Variants in ADGRG7 observed in about 807,000 individuals in gnomAD.
ADGRG7 encodes the protein adhesion G protein-coupled receptor G7, also known as G-protein coupled receptor 128.
Under a neutral mutation model 88.6 loss-of-function variants are expected in ADGRG7, and 82 were observed. The observed-to-expected ratio is 0.93, with a 90% CI of 0.77 to 1.11. The LOEUF (loss-of-function observed/expected upper bound fraction) is 1.11, where lower values mean the gene tolerates loss of function less well. Ranked by LOEUF, ADGRG7 falls within the 50% of genes most tolerant of loss-of-function variation. The pLI is 0.00. For synonymous variants in ADGRG7, 381 were observed against 345.2 expected, an observed-to-expected ratio of 1.10 and a Z score of -1.15; for missense variants, 945 against 953.4, an observed-to-expected ratio of 0.99 and a Z score of 0.12.
chr3:100,651,390 T>C (rs1290106400), intron 11 of ADGRG7, among the ~76,000 whole-genome samples: 1 of 152,246 alleles, frequency 6.6e-6, no homozygotes, highest in Non-Finnish European at 1.5e-5. Flanking sequence ...CTGACAATTA[T>C]TTGGTCCCAT....
At chr3:100,634,279 T>C (rs1174042070) in intron 4 of ADGRG7, among the ~76,000 whole-genome samples, 2 of 152,214 alleles carry the variant, frequency 1.3e-5, no homozygotes, top group African/African-American at 2.4e-5. Flanking sequence ...GCATATGTTA[T>C]CACATTTAAT....
chr3:100,647,030 G>A (rs1455957674), intron 10 of ADGRG7, among the ~76,000 whole-genome samples: 7 of 152,160 alleles, frequency 4.6e-5, no homozygotes, highest in East Asian at 1.9e-4. Context: ...AGTGGTGCAC[G>A]CCTGTAATCC....
At chr3:100,659,897 C>A in intron 14 of ADGRG7, 54 bp downstream of exon 14, 1 of 1,537,868 alleles carries the variant, frequency 6.5e-7, no homozygotes, top group Non-Finnish European at 8.9e-7. Flanking sequence ...CAGCACTTAA[C>A]GCAGCACCAT....
intron 1 of ADGRG7, among the ~76,000 whole-genome samples, chr3:100,622,075 A>G (rs993131040): frequency 2.6e-5 from 4 of 152,182 alleles, no homozygotes; most frequent in Non-Finnish European, 5.9e-5. Flanking sequence ...CAGGAGGCTA[A>G]GCTCAGGAGA....
chr3:100,690,553 A>T (rs2094991483), intron 15 of ADGRG7, among the ~76,000 whole-genome samples: 1 of 152,048 alleles, frequency 6.6e-6, no homozygotes, highest in Non-Finnish European at 1.5e-5. Context: ...TTTGGTGTGG[A>T]TGTCCTTTCT....
intron 6 of ADGRG7, among the ~76,000 whole-genome samples, chr3:100,638,538 G>T (rs80099883): frequency 6.6e-6 from 1 of 152,132 alleles, no homozygotes; most frequent in Non-Finnish European, 1.5e-5. Flanking sequence ...GGCAACATTT[G>T]ATTCGTAAAA....
chr3:100,637,317 A>C lies in ADGRG7; in HGVS notation c.613A>C (p.Ile205Leu). The C allele has an allele frequency of 1.9e-6, 3 of 1,613,256 alleles. No individual in the cohort carries two copies. Among genetic ancestry groups the C allele is most frequent in the Non-Finnish European group, 2.5e-6 (3 of 1,179,310 alleles). ...NASPEAKKVA[I>L]VTVSQLLDAS... ...TCTTTGGCAGGCAAAGAAAGTTGCC[A>C]TAGTAACAGTGAGTCAACTCCTAGA... Residue 205 changes from isoleucine to leucine, a missense_variant, in exon 6 of 16, where the codon ATA becomes CTA. Transcript: ENST00000273352.
intron 15 of ADGRG7, among the ~76,000 whole-genome samples, chr3:100,681,283 A>G (rs2094972982): frequency 6.6e-6 from 1 of 150,648 alleles, no homozygotes; most frequent in Admixed American, 6.6e-5. Context: ...AAGATGTGTT[A>G]TTGAAAGACA....
intron 10 of ADGRG7, among the ~76,000 whole-genome samples, chr3:100,648,982 T>A (rs1707802820): frequency 6.6e-6 from 1 of 152,190 alleles, no homozygotes; most frequent in Non-Finnish European, 1.5e-5. Context: ...AGGCTTCCTT[T>A]AAAAAATTAA....
At chr3:100,637,137 A>G (rs1388273382) in intron 5 of ADGRG7, among the ~76,000 whole-genome samples, 165 bp from the exon 6 acceptor site, 1 of 152,170 alleles carries the variant, frequency 6.6e-6, no homozygotes, top group Non-Finnish European at 1.5e-5. Flanking sequence ...TCTCTCTGTC[A>G]TCTTATGTGG....
chr3:100,614,629 G>T (rs1278181411), intron 1 of ADGRG7, among the ~76,000 whole-genome samples: 3 of 152,102 alleles, frequency 2.0e-5, no homozygotes, highest in South Asian at 2.1e-4. Context: ...GAGATGCCTG[G>T]ATTTTAAACC....
At chr3:100,638,531 A>G (rs1707584903) in intron 6 of ADGRG7, among the ~76,000 whole-genome samples, 1 of 152,198 alleles carries the variant, frequency 6.6e-6, no homozygotes, top group African/African-American at 2.4e-5. Context: ...TGGAAAAGGC[A>G]ACATTTGATT....
chr3:100,687,243 T>C lies in ADGRG7; in HGVS notation c.2137-7501T>C, dbSNP rs773095804. Among the ~76,000 whole-genome samples the C allele has an allele frequency of 3.3e-4, 51 of 152,350 alleles. No individual in the cohort carries two copies. In the East Asian group the frequency reaches 8.9e-3, roughly 26 times the overall value. On this transcript the variant is annotated intron_variant, in intron 15 of 15. Coordinates refer to ENST00000273352, the MANE Select transcript of ADGRG7 (RefSeq NM_032787.3). ...ATTGATTTTGTATCCTGAGACTTTGTTGAAGTTGCTTACCAGCTTAAGGAG... is the reference window on the plus strand; with the variant it reads ...ATTGATTTTGTATCCTGAGACTTTGCTGAAGTTGCTTACCAGCTTAAGGAG...
At chr3:100,618,286 T>C (rs1707254636) in intron 1 of ADGRG7, among the ~76,000 whole-genome samples, 1 of 152,212 alleles carries the variant, frequency 6.6e-6, no homozygotes, top group South Asian at 2.1e-4. Context: ...CATGAAGTCC[T>C]TGCCCATGCC....
In ADGRG7 at chr3:100,660,821, A is replaced by G. The variant is rs1415290935; in HGVS notation, c.1979+978A>G. Among the ~76,000 whole-genome samples, 13 of 152,014 alleles carry G rather than the reference A, an allele frequency of 8.6e-5. No homozygotes were observed. In the East Asian group the frequency reaches 2.5e-3, roughly 30 times the overall value. ...TACAAAATTAGCCGGGTGTGGTGGC[A>G]CATGCCTGTAATCCCAACTACTTGG... On this transcript the variant is annotated intron_variant, in intron 14 of 15. Transcript: ENST00000273352.
chr3:100,668,247 A>G (rs904042423), intron 14 of ADGRG7, among the ~76,000 whole-genome samples: 3 of 152,228 alleles, frequency 2.0e-5, no homozygotes. Context: ...TGAATCCTTC[A>G]TGACTCACTT....
At chr3:100,626,276 AT>A (rs1326955119) in intron 1 of ADGRG7, among the ~76,000 whole-genome samples, 1 of 151,906 alleles carries the variant, frequency 6.6e-6, no homozygotes, top group Non-Finnish European at 1.5e-5. Flanking sequence ...TTTCTTCTAG[AT>A]TTTCTAGTTT....
chr3:100,641,882 TA>T (rs988833197), intron 6 of ADGRG7, among the ~76,000 whole-genome samples: 6 of 152,306 alleles, frequency 3.9e-5, no homozygotes, highest in Admixed American at 1.3e-4. Flanking sequence ...CTGATATAAC[TA>T]CAGCACTAAT....
At chr3:100,692,658 C>T (rs2094995907) in intron 15 of ADGRG7, among the ~76,000 whole-genome samples, 1 of 152,084 alleles carries the variant, frequency 6.6e-6, no homozygotes, top group African/African-American at 2.4e-5. Flanking sequence ...ACCATTGATT[C>T]CTATGATTAT....
Sources: allele counts gnomAD v4.1 joint callset (sites outside exome capture counted in the v4.1 genomes callset), GRCh38; gene constraint gnomAD v4.1.1; transcripts MANE v1.5; gene names NCBI Gene and HGNC (gene_info 2026-07-23, HGNC 2026-07-21).